The following WDR25 variants were observed in gnomAD, a reference collection of about 807,000 sequenced individuals.
The protein encoded by WDR25 is WD repeat-containing protein 25.
Under a neutral mutation model 47.7 loss-of-function variants are expected in WDR25, and 35 were observed. The ratio of observed to expected loss-of-function variants is 0.73; its 90% confidence interval spans 0.56 to 0.97. The LOEUF is 0.97. Among genes scored for constraint, WDR25 ranks in the 50% least tolerant of loss-of-function variants. The probability of loss-of-function intolerance (pLI) is 0.00; values close to 1 mark genes in which losing one functional copy is unlikely to be tolerated. For synonymous variants in WDR25, 248 were observed against 278.9 expected (o/e 0.89, Z 1.10); for missense variants, 634 against 704.7 (o/e 0.90, Z 1.14).
chr14:100,454,758 G>A, intron 2 of WDR25: 1 of 304,412 alleles, frequency 3.3e-6, no homozygotes, highest in East Asian at 8.0e-5. Flanking sequence ...AGAGTTTGGG[G>A]TAACCACAGC....
intron 2 of WDR25, among the ~76,000 whole-genome samples, chr14:100,439,983 A>C (rs1222340296): frequency 6.6e-6 from 1 of 152,206 alleles, no homozygotes; most frequent in African/African-American, 2.4e-5. Context: ...CCTGACTTCC[A>C]GTGCATGTTC....
intron 3 of WDR25, among the ~76,000 whole-genome samples, chr14:100,475,153 G>A (rs954637821): frequency 1.1e-4 from 17 of 152,236 alleles, no homozygotes; most frequent in Admixed American, 1.0e-3. Context: ...GTATTGGTGA[G>A]GATGTGGAGA....
At chr14:100,380,174 A>G (rs1323484345) in intron 1 of WDR25, among the ~76,000 whole-genome samples, 3 of 151,508 alleles carry the variant, frequency 2.0e-5, no homozygotes, top group African/African-American at 7.3e-5. Context: ...CAGCCTCCCA[A>G]GTAGCTGGGA....
At chr14:100,489,056 G>A (rs528343344) in intron 4 of WDR25, among the ~76,000 whole-genome samples, 3 of 152,350 alleles carry the variant, frequency 2.0e-5, no homozygotes, top group South Asian at 2.1e-4. Context: ...CCCTGGGATC[G>A]ACATAGAGGG....
Sources: gnomAD v4.1 joint callset for allele counts (sites outside exome capture counted in the v4.1 genomes callset) on GRCh38, gnomAD v4.1.1 for gene constraint, MANE v1.5 for transcripts, NCBI Gene and HGNC (gene_info 2026-07-23, HGNC 2026-07-21) for gene names.